The following COL11A1 variants were observed in gnomAD, a reference collection of about 807,000 sequenced individuals.
COL11A1 encodes collagen alpha-1(XI) chain.
A neutral mutation model predicts 265.2 loss-of-function variants in COL11A1; 74 were observed. That is an observed-to-expected ratio of 0.28 (90% confidence interval 0.23 to 0.34). The LOEUF (loss-of-function observed/expected upper bound fraction) is 0.34, where lower values mean the gene tolerates loss of function less well. Among genes scored for constraint, COL11A1 ranks in the 10% least tolerant of loss-of-function variants. The pLI, the probability that COL11A1 is intolerant of heterozygous loss-of-function variation, is 1.00. For missense variants in COL11A1, 2,165 were observed against 2,263.6 expected (o/e 0.96, Z 0.88); for synonymous variants, 816 against 727.6 (o/e 1.12, Z -1.96).
chr1:102,891,650 G>A (rs1211451147), intron 57 of COL11A1, among the ~76,000 whole-genome samples: 2 of 151,172 alleles, frequency 1.3e-5, no homozygotes, highest in Non-Finnish European at 2.9e-5. Context: ...TGAGGTGGGA[G>A]GACCGCTTGA....
chr1:102,946,915 T>C lies in COL11A1; in HGVS notation c.3210A>G (p.Pro1070=), dbSNP rs1413151845. ...GERGSAGTAG[P]IGLPGRPGPQ... is the part of the protein sequence containing the mutation. Reference sequence around the variant, plus strand: ...GTCCCGGGCGCCCTGGTAAACCAATTGGGCCAGCTGTACCTGCTGACCCAC... The same window carrying C: ...GTCCCGGGCGCCCTGGTAAACCAATCGGGCCAGCTGTACCTGCTGACCCAC... The change falls in exon 42 of 67, where the codon CCA becomes CCG. Residue 1070 remains proline (P), a synonymous_variant. Coordinates refer to ENST00000370096, the MANE Select transcript of COL11A1 (RefSeq NM_001854.4). 3 of 1,613,288 alleles carry C rather than the reference T, an allele frequency of 1.9e-6. No homozygotes were observed. The highest frequency in any genetic ancestry group is 1.7e-5 in the Admixed American group (1 of 59,854).
chr1:103,092,009 G>C (rs1303143744), intron 1 of COL11A1, among the ~76,000 whole-genome samples: 7 of 152,140 alleles, frequency 4.6e-5, no homozygotes, highest in Non-Finnish European at 7.4e-5. Context: ...GAAAATTCCA[G>C]TTTAAAACAA....
rs370559180 is a variant in COL11A1 at position 102,898,714 on chromosome 1, A to G, written c.4200T>C (p.Pro1400=). Residue 1400 remains proline, a synonymous_variant, in exon 56 of 67, where the codon CCT becomes CCC. Transcript: ENST00000370096. ...GKTGPVGPQG[P]AGKPGPEGLR... is the part of the protein sequence containing the mutation. ...GACCTTCTGGACCAGGCTTTCCTGC[A>G]GGTCCCTGAGGACCGACTGGGCCGG... 1.4e-5 allele frequency: 22 copies of G among 1,612,904 alleles called. No individual in the cohort carries two copies. The African/African-American group carries it at 2.8e-4, about 21-fold the overall frequency.
chr1:103,051,757 A>G lies in COL11A1; in HGVS notation c.652-20513T>C, dbSNP rs184884308. Among the ~76,000 whole-genome samples, 320 of 152,150 alleles carry G rather than the reference A, an allele frequency of 2.1e-3. 4 individuals are homozygous for G. Among genetic ancestry groups the G allele is most frequent in the African/African-American group, 7.5e-3 (312 of 41,542 alleles). On this transcript the variant is annotated intron_variant, in intron 4 of 66. Transcript: ENST00000370096. Reference sequence around the variant, plus strand: ...GGCCATCTTGGCTCCTCCCTATATCAATATTCTTATTACACTTCTTTTAGC... The same window carrying G: ...GGCCATCTTGGCTCCTCCCTATATCGATATTCTTATTACACTTCTTTTAGC...
chr1:102,916,788 A>T (rs1224993020), intron 49 of COL11A1, among the ~76,000 whole-genome samples: 1 of 151,938 alleles, frequency 6.6e-6, no homozygotes. Flanking sequence ...CTCAAGATGA[A>T]CAGCAAATAC....
At chr1:102,964,602 G>GTGTT (rs958742417) in intron 38 of COL11A1, among the ~76,000 whole-genome samples, 1 of 151,672 alleles carries the variant, frequency 6.6e-6, no homozygotes, top group African/African-American at 2.4e-5. Context: ...GTGTGTGTGT[G>GTGTT]TGTGTGTGTA....
chr1:102,896,123 C>T lies in COL11A1; in HGVS notation c.4302+2002G>A, dbSNP rs182128445. Among the ~76,000 whole-genome samples, 2 of 151,544 alleles carry T rather than the reference C, an allele frequency of 1.3e-5. 1 individual carries two copies. The highest frequency in any genetic ancestry group is 2.9e-5 in the Non-Finnish European group (2 of 67,846). ...AGAACCCCATGGGGTAGAAGATATC[C>T]ATATCCCAATTGAACTCACTTAAAC... On this transcript the variant is annotated intron_variant, in intron 57 of 66. Coordinates refer to ENST00000370096, the MANE Select transcript of COL11A1 (RefSeq NM_001854.4).
chr1:102,936,564 C>T (rs1439586286), intron 44 of COL11A1, among the ~76,000 whole-genome samples: 1 of 152,080 alleles, frequency 6.6e-6, no homozygotes, highest in Non-Finnish European at 1.5e-5. Context: ...TTGGAAATGT[C>T]TCATCTGCCA....
At chr1:103,047,524 G>A (rs1050941014) in intron 4 of COL11A1, among the ~76,000 whole-genome samples, 8 of 151,992 alleles carry the variant, frequency 5.3e-5, no homozygotes, top group Non-Finnish European at 1.2e-4. Context: ...GGGGTTTTCT[G>A]GATATACAAT....
intron 5 of COL11A1, 72 bp from the exon 6 acceptor site, chr1:103,026,404 C>A (rs970617184): frequency 1.0e-6 from 1 of 974,334 alleles, no homozygotes; most frequent in African/African-American, 1.6e-5. Context: ...TGAGAACCAT[C>A]TTAACTTTTA....
In COL11A1 at chr1:102,914,358, G is replaced by A. The variant is rs750594747; in HGVS notation, c.3972C>T (p.Gly1324=). The change falls in exon 52 of 67, where the codon GGC becomes GGT. Residue 1324 remains glycine, a synonymous_variant. Transcript: ENST00000370096. Reference sequence around the variant, plus strand: ...ATTTTTCCCTGATACTTACTGCAGGGCCAGGTTCCCCAGGAGGACCAGGAT... The same window carrying A: ...ATTTTTCCCTGATACTTACTGCAGGACCAGGTTCCCCAGGAGGACCAGGAT... ...PGDPGPPGEP[G]PAGQDGVGGD... The A allele has an allele frequency of 1.2e-6, 2 of 1,606,494 alleles. No homozygotes were observed. The highest frequency in any genetic ancestry group is 2.2e-5 in the South Asian group (2 of 89,904).
chr1:102,974,552 T>C (rs945524284), intron 36 of COL11A1, among the ~76,000 whole-genome samples: 11 of 152,194 alleles, frequency 7.2e-5, no homozygotes, highest in Non-Finnish European at 1.3e-4. Context: ...TCATCAATTA[T>C]ATTCATTGCA....
At chr1:103,033,743 A>G (rs1431550053) in intron 4 of COL11A1, among the ~76,000 whole-genome samples, 1 of 152,092 alleles carries the variant, frequency 6.6e-6, no homozygotes, top group Non-Finnish European at 1.5e-5. Flanking sequence ...GAGAGACTTT[A>G]TATTTCTTGA....
intron 4 of COL11A1, among the ~76,000 whole-genome samples, chr1:103,033,539 G>A (rs1329518762): frequency 6.6e-6 from 1 of 151,856 alleles, no homozygotes; most frequent in Non-Finnish European, 1.5e-5. Flanking sequence ...AGCTATTATT[G>A]TTGTATAAAT....
chr1:102,953,200 A>G (rs1056359678), intron 41 of COL11A1, among the ~76,000 whole-genome samples: 1 of 152,232 alleles, frequency 6.6e-6, no homozygotes, highest in Non-Finnish European at 1.5e-5. Context: ...GTCTTTAAGC[A>G]TAGGTAAAAT....
chr1:103,023,549 T>C (rs1333585375), intron 7 of COL11A1, among the ~76,000 whole-genome samples: 1 of 151,780 alleles, frequency 6.6e-6, no homozygotes, highest in Non-Finnish European at 1.5e-5. Context: ...TAGAGACGGG[T>C]TTTCTCCATG....
chr1:102,940,189 A>G (rs1658574673), intron 43 of COL11A1, 138 bp downstream of exon 43: 3 of 713,438 alleles, frequency 4.2e-6, no homozygotes, highest in Non-Finnish European at 7.6e-6. Context: ...ACTTTTGAGC[A>G]TATGAAAATG....
chr1:103,077,781 T>G (rs751494101), intron 3 of COL11A1, among the ~76,000 whole-genome samples: 17 of 152,100 alleles, frequency 1.1e-4, no homozygotes, highest in Non-Finnish European at 1.9e-4. Flanking sequence ...GAATTCGACA[T>G]GATTTGCAAA....
intron 41 of COL11A1, among the ~76,000 whole-genome samples, chr1:102,956,674 C>G (rs910300821): frequency 6.6e-6 from 1 of 151,778 alleles, no homozygotes; most frequent in South Asian, 2.1e-4. Context: ...TTTCACAGGT[C>G]TTGCCCAGTA....
Sources: allele counts gnomAD v4.1 joint callset (sites outside exome capture counted in the v4.1 genomes callset), GRCh38; gene constraint gnomAD v4.1.1; transcripts MANE v1.5; gene names NCBI Gene and HGNC (gene_info 2026-07-23, HGNC 2026-07-21).